The following TULP4 variants were observed in gnomAD, a reference collection of about 807,000 sequenced individuals.
The protein encoded by TULP4 is TUB like protein 4.
In TULP4, 16 loss-of-function variants were observed where a neutral mutation model predicts 129.0. The observed-to-expected ratio is 0.12, with a 90% CI of 0.08 to 0.19. The LOEUF (loss-of-function observed/expected upper bound fraction) is 0.19, where lower values mean the gene tolerates loss of function less well. Among genes scored for constraint, TULP4 ranks in the 10% least tolerant of loss-of-function variants. TULP4 has a pLI of 1.00. For synonymous variants in TULP4, 998 were observed against 854.0 expected, an observed-to-expected ratio of 1.17 and a Z score of -2.94; for missense variants, 1,842 against 2,059.1, an observed-to-expected ratio of 0.89 and a Z score of 2.04.
At chr6:158,486,372 T>C (rs1211984042) in intron 8 of TULP4, among the ~76,000 whole-genome samples, 4 of 152,038 alleles carry the variant, frequency 2.6e-5, no homozygotes, top group African/African-American at 9.7e-5. Context: ...GCTAACAAGG[T>C]GAAACCCCAT....
At chr6:158,419,714 C>CA (rs1235963187) in intron 2 of TULP4, among the ~76,000 whole-genome samples, 2 of 152,094 alleles carry the variant, frequency 1.3e-5, no homozygotes, top group Non-Finnish European at 2.9e-5. Context: ...GATTTGAAGA[C>CA]AAAGTATTAT....
chr6:158,279,142 C>A (rs1395394270), upstream of TULP4, among the ~76,000 whole-genome samples: 2 of 151,800 alleles, frequency 1.3e-5, no homozygotes, highest in African/African-American at 4.8e-5. Context: ...CAGGGTTTCA[C>A]CATGTTAACC....
chr6:158,271,586 C>T (rs1778548428), intron 1 of TULP4, among the ~76,000 whole-genome samples: 1 of 151,784 alleles, frequency 6.6e-6, no homozygotes, highest in Non-Finnish European at 1.5e-5. Context: ...CGGGTCACCA[C>T]ATTTGGCAAA....
intron 1 of TULP4, among the ~76,000 whole-genome samples, chr6:158,333,640 A>G (rs527531844): frequency 6.4e-4 from 97 of 152,342 alleles, no homozygotes; most frequent in South Asian, 1.0e-3. Flanking sequence ...GATTTTCAAT[A>G]ATATATTGGA....
chr6:158,395,668 C>CGGGGGGCGGG (rs5881258), intron 1 of TULP4, among the ~76,000 whole-genome samples: 15 of 83,114 alleles, frequency 1.8e-4, no homozygotes, highest in Admixed American at 8.1e-4. Flanking sequence ...AAGTGATGGG[C>CGGGGGGCGGG]GGGGGGGGGG....
intron 8 of TULP4, among the ~76,000 whole-genome samples, chr6:158,483,755 A>T (rs1024108396): frequency 6.6e-6 from 1 of 152,020 alleles, no homozygotes; most frequent in Non-Finnish European, 1.5e-5. Flanking sequence ...TTACCCTTAG[A>T]TTACGATTCA....
upstream of TULP4, among the ~76,000 whole-genome samples, chr6:158,311,180 C>G (rs1231545833): frequency 6.6e-6 from 1 of 152,122 alleles, no homozygotes; most frequent in Non-Finnish European, 1.5e-5. Context: ...AGCCTGGTTC[C>G]CTGCCCAGCA....
At chr6:158,420,069 T>C (rs1778301366) in intron 2 of TULP4, among the ~76,000 whole-genome samples, 1 of 152,236 alleles carries the variant, frequency 6.6e-6, no homozygotes, top group Admixed American at 6.5e-5. Context: ...AAGGGTCAGA[T>C]AGTAAATATT....
chr6:158,245,078 C>T (rs1011701986), intron 1 of TULP4, among the ~76,000 whole-genome samples: 3 of 151,980 alleles, frequency 2.0e-5, no homozygotes, highest in Admixed American at 2.0e-4. Context: ...AGCCTGGCCT[C>T]CCAGGTTCAA....
intron 1 of TULP4, among the ~76,000 whole-genome samples, chr6:158,378,640 G>A (rs1777255843): frequency 6.6e-6 from 1 of 151,788 alleles, no homozygotes; most frequent in African/African-American, 2.4e-5. Context: ...ATGTGCCACT[G>A]TGCCCGGCTG....
chr6:158,387,186 A>G (rs774992187), intron 1 of TULP4, among the ~76,000 whole-genome samples: 31 of 152,106 alleles, frequency 2.0e-4, no homozygotes, highest in Non-Finnish European at 3.5e-4. Flanking sequence ...AGATCTGTCA[A>G]TTAAAGCTCT....
chr6:158,378,474 T>G (rs1167205418), intron 1 of TULP4, among the ~76,000 whole-genome samples: 2 of 77,592 alleles, frequency 2.6e-5, no homozygotes, highest in African/African-American at 4.0e-5. Flanking sequence ...TTTTTTTTTT[T>G]TTTTTTTTTT....
chr6:158,458,931 C>T (rs558313343), intron 5 of TULP4, among the ~76,000 whole-genome samples: 5 of 152,182 alleles, frequency 3.3e-5, no homozygotes, highest in African/African-American at 4.8e-5. Context: ...TGTCCCTGGT[C>T]GCGGCTGTGC....
At chr6:158,366,125 G>T (rs183847003) in intron 1 of TULP4, among the ~76,000 whole-genome samples, 1 of 151,620 alleles carries the variant, frequency 6.6e-6, no homozygotes, top group Non-Finnish European at 1.5e-5. Flanking sequence ...GGATGGTCTC[G>T]ATCTCCTGAT....
In TULP4 at chr6:158,235,540, G is replaced by T. The variant is rs967747616; in HGVS notation, n.68+3237G>T. Among the ~76,000 whole-genome samples the T allele has an allele frequency of 2.0e-5, 3 of 152,162 alleles. 1 individual carries two copies. In the South Asian group the frequency reaches 6.2e-4, roughly 32 times the overall value. On this transcript the variant is annotated intron_variant and non_coding_transcript_variant, in intron 1 of 1. Transcript: ENST00000620026. ...TCTTGCTGTTGTTTCTAGAGACAAG[G>T]TCTCACTATGTTGCCCAGGCTGGTC...
At chr6:158,462,595 G>T (rs2779079) in intron 6 of TULP4, among the ~76,000 whole-genome samples, 63,223 of 151,088 alleles carry the variant, frequency 0.42, 14,491 homozygotes, top group African/African-American at 0.62. Context: ...GGATGGTCTC[G>T]ATCTCCTGAC....
chr6:158,481,296 C>A lies in TULP4; in HGVS notation c.1486+7C>A. On this transcript the variant is annotated splice_region_variant and intron_variant, in intron 8 of 13. Transcript: ENST00000367097. The stretch of plus-strand genomic sequence containing the variant: ...CGGACAGATAGCAAACCAGGTGGGC[C>A]CCTCACCCGAGGGACTGGGACCTTG... 1 of 1,610,180 alleles carries A rather than the reference C, an allele frequency of 6.2e-7. No homozygotes were observed. Among genetic ancestry groups the A allele is most frequent in the Non-Finnish European group, 8.5e-7 (1 of 1,178,154 alleles).
At chr6:158,323,962 A>G (rs1265396473) in intron 1 of TULP4, among the ~76,000 whole-genome samples, 1 of 151,190 alleles carries the variant, frequency 6.6e-6, no homozygotes, top group Non-Finnish European at 1.5e-5. Context: ...ATTTTTGCTT[A>G]AAGTTCAGCT....
upstream of TULP4, among the ~76,000 whole-genome samples, chr6:158,309,056 G>A (rs1457267398): frequency 7.3e-6 from 1 of 137,278 alleles, no homozygotes; most frequent in African/African-American, 2.7e-5. Flanking sequence ...CTCCCGGACG[G>A]GGTGGCTGCC....
Sources: gnomAD v4.1 joint callset for allele counts (sites outside exome capture counted in the v4.1 genomes callset) on GRCh38, gnomAD v4.1.1 for gene constraint, MANE v1.5 for transcripts, NCBI Gene and HGNC (gene_info 2026-07-23, HGNC 2026-07-21) for gene names.